Variants in DEPDC5 observed in about 807,000 individuals in gnomAD.
The protein encoded by DEPDC5 is GATOR1 complex protein DEPDC5.
Under a neutral mutation model 217.3 loss-of-function variants are expected in DEPDC5, and 73 were observed. That is an observed-to-expected ratio of 0.34 (90% confidence interval 0.28 to 0.41). The LOEUF is 0.41. DEPDC5 is among the 10% of genes least tolerant of loss of function. DEPDC5 has a pLI of 1.00. For synonymous variants in DEPDC5, 733 were observed against 756.7 expected, an observed-to-expected ratio of 0.97 and a Z score of 0.51; for missense variants, 1,675 against 2,070.1, an observed-to-expected ratio of 0.81 and a Z score of 3.70.
chr22:31,844,141 G>A (rs5994435), intron 29 of DEPDC5, among the ~76,000 whole-genome samples: 17,380 of 152,076 alleles, frequency 0.11, 1,036 homozygotes, highest in Admixed American at 0.15. Context: ...CTGGAGAATC[G>A]CTTGAACCCA....
chr22:31,776,359 A>G (rs1204568941), intron 7 of DEPDC5, among the ~76,000 whole-genome samples: 1 of 151,868 alleles, frequency 6.6e-6, no homozygotes, highest in Non-Finnish European at 1.5e-5. Flanking sequence ...CAATCTGCCA[A>G]CCTTGGCCTT....
intron 31 of DEPDC5, chr22:31,853,097 C>T (rs2092117180): frequency 6.6e-6 from 1 of 152,126 alleles, no homozygotes; most frequent in South Asian, 2.1e-4. Flanking sequence ...AGGAAGATGC[C>T]AGGACTCTGT....
intron 6 of DEPDC5, 121 bp from the exon 7 acceptor site, chr22:31,768,693 A>G (rs2083041520): frequency 3.6e-6 from 3 of 839,330 alleles, no homozygotes; most frequent in Non-Finnish European, 5.6e-6. Flanking sequence ...AGAAGAGATT[A>G]GAAAGCTAGG....
intron 16 of DEPDC5, among the ~76,000 whole-genome samples, 155 bp from the exon 17 acceptor site, chr22:31,804,687 G>A (rs1245494205): frequency 6.6e-6 from 1 of 152,210 alleles, no homozygotes; most frequent in African/African-American, 2.4e-5. Flanking sequence ...TGGTCCGCCC[G>A]CCTTGGCCTC....
chr22:31,797,807 G>A, intron 13 of DEPDC5, 104 bp downstream of exon 13: 1 of 877,672 alleles, frequency 1.1e-6, no homozygotes, highest in Non-Finnish European at 1.8e-6. Flanking sequence ...ATTGCCGTGT[G>A]TAGTTTCTGC....
chr22:31,766,603 G>A lies in DEPDC5; in HGVS notation c.298G>A (p.Val100Met), dbSNP rs797045522. The A allele has an allele frequency of 6.2e-6, 10 of 1,613,806 alleles. No homozygotes were observed. Among genetic ancestry groups the A allele is most frequent in the Non-Finnish European group, 8.5e-6 (10 of 1,179,956 alleles). ...VDPKDVTLDL[V>M]ELTFKDQYIG... ...CTTTTAGGATGTGACCCTTGACCTAGTGGAATTAACTTTTAAGGATCAGTA... is the reference window on the plus strand; with the variant it reads ...CTTTTAGGATGTGACCCTTGACCTAATGGAATTAACTTTTAAGGATCAGTA... Residue 100 changes from valine (V) to methionine (M), a missense_variant, in exon 6 of 43, where the codon GTG becomes ATG. Around this residue, in one of 11 missense-constraint regions of DEPDC5, gnomAD observed 628 missense variants for 762.1 expected, o/e 0.82. Coordinates refer to ENST00000651528, the MANE Select transcript of DEPDC5 (RefSeq NM_001242896.3).
In DEPDC5 at chr22:31,819,161, T is replaced by C; in HGVS notation, c.1806T>C (p.Ala602=). 2 of 1,614,104 alleles carry C rather than the reference T, an allele frequency of 1.2e-6. No individual in the cohort carries two copies. The highest frequency in any genetic ancestry group is 2.2e-5 in the South Asian group (2 of 91,056). Residue 602 remains alanine, a synonymous_variant, in exon 22 of 43, where the codon GCT becomes GCC. Transcript: ENST00000651528. ...TPQRALINPF[A]PSRMPMKLTS... is the part of the protein sequence containing the mutation. ...AGAGAGCACTGATTAACCCCTTCGC[T>C]CCCTCTCGGATGCCCATGAAGCTTA...
intron 33 of DEPDC5, among the ~76,000 whole-genome samples, chr22:31,870,356 C>T (rs1473069575): frequency 2.0e-5 from 3 of 152,130 alleles, no homozygotes; most frequent in African/African-American, 7.2e-5. Flanking sequence ...TGGGAGTTCC[C>T]AGCTGCTCTG....
chr22:31,806,222 T>G lies in DEPDC5; in HGVS notation c.1287+31T>G, dbSNP rs749264955. 3 of 1,587,258 alleles carry G rather than the reference T, an allele frequency of 1.9e-6. No individual in the cohort carries two copies. The Admixed American group carries it at 5.1e-5, about 27-fold the overall frequency. On this transcript the variant is annotated intron_variant, in intron 18 of 42. Coordinates refer to ENST00000651528, the MANE Select transcript of DEPDC5 (RefSeq NM_001242896.3). The stretch of plus-strand genomic sequence containing the variant: ...TTTTTATTTTTGTTAAGACGGGGTC[T>G]TATTATGTGGTCCAGTCTTATCTTG...
intron 7 of DEPDC5, among the ~76,000 whole-genome samples, chr22:31,770,088 G>A (rs1335855895): frequency 6.7e-6 from 1 of 149,110 alleles, no homozygotes; most frequent in Admixed American, 6.7e-5. Context: ...AAAAAAAACA[G>A]CCAGGCATGG....
rs1449562400 is a variant in DEPDC5, at chr22:31,893,742, C to T, written c.4194C>T (p.Leu1398=). 1 of 1,602,800 alleles carries T rather than the reference C, an allele frequency of 6.2e-7. No homozygotes were observed. The highest frequency in any genetic ancestry group is 8.5e-7 in the Non-Finnish European group (1 of 1,175,460). ...GGATGGCGGTGACCGCAGCAGTACTCTTCGAGATGGTGAGAACCTTCATGC... is the reference window on the plus strand; with the variant it reads ...GGATGGCGGTGACCGCAGCAGTACTTTTCGAGATGGTGAGAACCTTCATGC... The part of the protein sequence containing the change: ...LHWMAVTAAV[L]FEMVQGWHRK... Residue 1398 remains leucine, a synonymous_variant, in exon 39 of 43, where the codon CTC becomes CTT. Transcript: ENST00000651528.
At chr22:31,826,505 T>A (rs762997046) in intron 24 of DEPDC5, 17 of 425,628 alleles carry the variant, frequency 4.0e-5, no homozygotes, top group Non-Finnish European at 6.6e-5. Context: ...TAGAATATGC[T>A]TCTTCCCTGT....
Position 31,763,622 on chromosome 22 carries a change from T to G in DEPDC5, c.194-1353T>G, listed in dbSNP as rs190568572. 3.6e-4 allele frequency among the ~76,000 whole-genome samples: 55 copies of G among 151,790 alleles called. 1 individual carries two copies. The Middle Eastern group carries it at 0.01, about 28-fold the overall frequency. On this transcript the variant is annotated intron_variant, in intron 4 of 42. Coordinates refer to ENST00000651528, the MANE Select transcript of DEPDC5 (RefSeq NM_001242896.3). ...CCACAGGATCATGCCTGGCTAATTT[T>G]TTTTTTTTTAATTTTTGCTCAGGCT... is the stretch of plus-strand genomic sequence containing the variant.
intron 12 of DEPDC5, 151 bp downstream of exon 12, chr22:31,792,968 G>A: frequency 2.0e-6 from 1 of 509,410 alleles, no homozygotes; most frequent in Non-Finnish European, 3.1e-6. Flanking sequence ...TACTTGGGAG[G>A]CTGAGGTGGG....
At chr22:31,765,541 G>A (rs2082737811) in intron 5 of DEPDC5, among the ~76,000 whole-genome samples, 1 of 151,998 alleles carries the variant, frequency 6.6e-6, no homozygotes, top group African/African-American at 2.4e-5. Flanking sequence ...CACCTGCCTT[G>A]GCCTCCCAGA....
chr22:31,845,279 TGCAGG>T (rs1602369716), intron 30 of DEPDC5, 42 bp downstream of exon 30: 1 of 1,579,504 alleles, frequency 6.3e-7, no homozygotes, highest in Non-Finnish European at 8.6e-7. Context: ...TGGTGTGAGA[TGCAGG>T]GCCTGCCACC....
At chr22:31,872,805 G>A (rs921945166) in intron 34 of DEPDC5, among the ~76,000 whole-genome samples, 2 of 151,944 alleles carry the variant, frequency 1.3e-5, no homozygotes, top group Admixed American at 1.3e-4. Context: ...AGGCTGGAGT[G>A]CATGAGTGGC....
At chr22:31,760,179 T>C (rs1378030476) in intron 3 of DEPDC5, among the ~76,000 whole-genome samples, 2 of 152,012 alleles carry the variant, frequency 1.3e-5, no homozygotes, top group African/African-American at 4.8e-5. Flanking sequence ...GCCATTCTCC[T>C]GCCTCAGCCT....
chr22:31,883,520 C>T (rs2093232572), intron 38 of DEPDC5, among the ~76,000 whole-genome samples: 1 of 152,134 alleles, frequency 6.6e-6, no homozygotes, highest in African/African-American at 2.4e-5. Context: ...ACATTAATGC[C>T]ATGATTTGTA....
Sources: allele counts gnomAD v4.1 joint callset (sites outside exome capture counted in the v4.1 genomes callset), GRCh38; gene constraint gnomAD v4.1.1; regional missense constraint gnomAD v4.1.1; transcripts MANE v1.5; gene names NCBI Gene and HGNC (gene_info 2026-07-23, HGNC 2026-07-21).